The following LARP1 variants were observed in gnomAD, a reference collection of about 807,000 sequenced individuals.
LARP1 encodes the protein la-related protein 1.
In LARP1, 36 loss-of-function variants were observed where a neutral mutation model predicts 122.7. The observed-to-expected ratio is 0.29, with a 90% CI of 0.22 to 0.39. LARP1 has a LOEUF of 0.39. LARP1 is among the 10% of genes least tolerant of loss of function. LARP1 has a pLI of 1.00. For missense variants in LARP1, 1,040 were observed against 1,403.6 expected (o/e 0.74, Z 4.14); for synonymous variants, 539 against 528.7 (o/e 1.02, Z -0.27).
At chr5:154,700,483 G>A (rs1754659386) in intron 1 of LARP1, among the ~76,000 whole-genome samples, 1 of 152,008 alleles carries the variant, frequency 6.6e-6, no homozygotes, top group African/African-American at 2.4e-5. Flanking sequence ...AGTGAGCCAT[G>A]ATCGTGCTAC....
rs184655083 is a variant in LARP1, at chr5:154,690,873, C to A, written c.-180+7836C>A. On this transcript the variant is annotated intron_variant, in intron 1 of 18. Transcript: ENST00000687700. Reference sequence around the variant, plus strand: ...AGAGGTAAAATAGATATAAAAAAAACCCCGGATTCCCCGGAGTATTCGGCA... The same window carrying A: ...AGAGGTAAAATAGATATAAAAAAAAACCCGGATTCCCCGGAGTATTCGGCA... Among the ~76,000 whole-genome samples, 196 of 152,340 alleles carry A rather than the reference C, an allele frequency of 1.3e-3. 6 individuals carry two copies. In the East Asian group the frequency reaches 0.031, roughly 24 times the overall value.
chr5:154,796,438 T>C (rs1214676712), intron 8 of LARP1, among the ~76,000 whole-genome samples: 1 of 152,004 alleles, frequency 6.6e-6, no homozygotes, highest in Non-Finnish European at 1.5e-5. Flanking sequence ...ATTATTTGAA[T>C]AGACTAAGTT....
intron 8 of LARP1, among the ~76,000 whole-genome samples, chr5:154,796,717 C>T (rs926874678): frequency 6.6e-6 from 1 of 152,106 alleles, no homozygotes; most frequent in Non-Finnish European, 1.5e-5. Context: ...TTCTGTCAGT[C>T]GGTCTTCATT....
chr5:154,690,920 C>T (rs1218378337), intron 1 of LARP1, among the ~76,000 whole-genome samples: 1 of 152,182 alleles, frequency 6.6e-6, no homozygotes, highest in African/African-American at 2.4e-5. Flanking sequence ...GGTCCTCAGC[C>T]ACAGTATATT....
intron 1 of LARP1, among the ~76,000 whole-genome samples, chr5:154,776,923 A>C (rs1755937800): frequency 1.3e-5 from 2 of 152,248 alleles, no homozygotes; most frequent in African/African-American, 4.8e-5. Flanking sequence ...TTAAGTGTTT[A>C]ATACATACTA....
chr5:154,702,544 G>A (rs142028078), intron 1 of LARP1, among the ~76,000 whole-genome samples: 134 of 147,374 alleles, frequency 9.1e-4, no homozygotes, highest in Admixed American at 2.5e-3. Flanking sequence ...CAACACGAAC[G>A]AAACTCCATC....
Position 154,741,580 on chromosome 5 carries a change from T to G in LARP1, c.205+28450T>G, listed in dbSNP as rs957067215. Among the ~76,000 whole-genome samples the G allele has an allele frequency of 7.9e-5, 12 of 151,520 alleles. No homozygotes were observed. In the East Asian group the frequency reaches 2.3e-3, roughly 29 times the overall value. On this transcript the variant is annotated intron_variant, in intron 1 of 18. Coordinates refer to the LARP1 transcript ENST00000336314. ...GGATGCAAAGTATCGGGTGTTTGTG[T>G]GTGGGTGGGGGGAGTGGGAATGCAG...
intron 1 of LARP1, among the ~76,000 whole-genome samples, chr5:154,783,349 T>G (rs1392818058): frequency 1.3e-5 from 2 of 152,134 alleles, no homozygotes; most frequent in Non-Finnish European, 2.9e-5. Flanking sequence ...TTCCCTTGCC[T>G]CTCTGGGTAG....
intron 1 of LARP1, among the ~76,000 whole-genome samples, chr5:154,745,216 G>T (rs931428721): frequency 2.2e-4 from 33 of 152,184 alleles, no homozygotes; most frequent in Non-Finnish European, 2.9e-5. Flanking sequence ...GTGAGCCACC[G>T]CGCCTGGCCT....
chr5:154,726,408 A>G (rs1756220210), intron 1 of LARP1, among the ~76,000 whole-genome samples: 1 of 152,234 alleles, frequency 6.6e-6, no homozygotes, highest in South Asian at 2.1e-4. Flanking sequence ...TCAGTAGACA[A>G]AACCACATGG....
rs1158937994 is a variant in LARP1 at position 154,755,608 on chromosome 5, G to GC, written c.-148dup. 3.0e-6 allele frequency: 3 copies of GC among 987,456 alleles called. No individual in the cohort carries two copies. The East Asian group carries it at 3.4e-4, about 113-fold the overall frequency. 61.2% of individuals were successfully genotyped at this position (987,456 alleles called of 1,614,324 possible). On this transcript the variant is annotated 5_prime_UTR_variant, in exon 1 of 19. Coordinates refer to ENST00000518297, the MANE Select transcript of LARP1 (RefSeq NM_033551.3). ...GGCGGCTGCATCTAACTGGGAGGGG[G>GC]CCGCACCTCGCGTGAACCCCGACCC... is the stretch of plus-strand genomic sequence containing the variant.
Position 154,755,952 on chromosome 5 carries a change from G to A in LARP1, c.195G>A (p.Lys65=), listed in dbSNP as rs1371469054. The change falls in exon 1 of 19, where the codon AAG becomes AAA. Residue 65 remains lysine, a synonymous_variant. Transcript: ENST00000518297. The part of the protein sequence containing the change: ...RPRPPCAKPH[K]EGTGQQERES... ...GGCCGCCCTGCGCCAAGCCGCACAA[G>A]GAGGGCACCGGGCAGCAGGAGCGCG... 4 of 1,001,942 alleles carry A rather than the reference G, an allele frequency of 4.0e-6. No individual in the cohort carries two copies. The highest frequency in any genetic ancestry group is 2.2e-4 in the East Asian group (2 of 9,136). The allele number at this position is 1,001,942 out of a possible 1,614,324, so 62.1% of individuals were successfully genotyped here. A position where few individuals can be genotyped will look rare whatever the true frequency, so the allele number is the denominator to read the frequency against.
At chr5:154,738,094 G>A (rs1348521719) in intron 1 of LARP1, among the ~76,000 whole-genome samples, 1 of 152,120 alleles carries the variant, frequency 6.6e-6, no homozygotes, top group Non-Finnish European at 1.5e-5. Context: ...TAAGTCACAC[G>A]CCCTCAGCTC....
chr5:154,775,372 A>G (rs1755784769), intron 1 of LARP1, among the ~76,000 whole-genome samples: 1 of 152,026 alleles, frequency 6.6e-6, no homozygotes, highest in Non-Finnish European at 1.5e-5. Context: ...AAGCACCTAT[A>G]GTCCCAGCTA....
chr5:154,700,779 A>G (rs767126439), intron 1 of LARP1, among the ~76,000 whole-genome samples: 4 of 151,696 alleles, frequency 2.6e-5, no homozygotes, highest in Non-Finnish European at 5.9e-5. Context: ...ACATGCCACA[A>G]TGCCTGGCTA....
rs1352053887 is a variant in LARP1 at position 154,803,761 on chromosome 5, C to G, written c.2439+16C>G. 2 of 1,611,518 alleles carry G rather than the reference C, an allele frequency of 1.2e-6. No individual in the cohort carries two copies. The highest frequency in any genetic ancestry group is 2.2e-5 in the South Asian group (2 of 91,012). On this transcript the variant is annotated intron_variant, in intron 13 of 18. Coordinates refer to ENST00000518297, the MANE Select transcript of LARP1 (RefSeq NM_033551.3). This position sits in a 1 kb window ranked among gnomAD's most constrained non-coding sequence, Gnocchi z 4.4. ...GGATGCCAAGGTGAGGCATTCCTGT[C>G]GGGCTGCTCAGAGTCTTGGGTCTAC...
chr5:154,809,178 C>CT (rs1416655508), intron 16 of LARP1, among the ~76,000 whole-genome samples: 1 of 151,682 alleles, frequency 6.6e-6, no homozygotes, highest in African/African-American at 2.4e-5. Flanking sequence ...ACCTTGAGTC[C>CT]TTTTTTCCTG....
intron 1 of LARP1, among the ~76,000 whole-genome samples, chr5:154,684,335 C>T (rs1485295647): frequency 6.6e-6 from 1 of 151,990 alleles, no homozygotes; most frequent in Non-Finnish European, 1.5e-5. Context: ...ACTTGGGAGG[C>T]TTAGGCAGGA....
rs1757657867 is a variant in LARP1 at position 154,795,268 on chromosome 5, T to G, written c.1326T>G (p.Ala442=). The change falls in exon 8 of 19, where the codon GCT becomes GCG. Residue 442 remains alanine, a synonymous_variant. Coordinates refer to ENST00000518297, the MANE Select transcript of LARP1 (RefSeq NM_033551.3). The part of the protein sequence containing the change: ...ADGFLPITLI[A]SFHRVQALTT... ...GTTTCCTACCCATCACCCTTATTGC[T>G]TCCTTCCACCGAGTGCAGGCCCTTA... The G allele has an allele frequency of 1.9e-6, 3 of 1,614,096 alleles. No individual in the cohort carries two copies. In the Admixed American group the frequency reaches 5.0e-5, roughly 27 times the overall value.
Sources: gnomAD v4.1 joint callset for allele counts (sites outside exome capture counted in the v4.1 genomes callset) on GRCh38, gnomAD v4.1.1 for gene constraint, Gnocchi (gnomAD v3.1) non-coding constraint, MANE v1.5 for transcripts, NCBI Gene and HGNC (gene_info 2026-07-23, HGNC 2026-07-21) for gene names.